GNAQ: variants seen among roughly 807,000 people sequenced by gnomAD.
GNAQ encodes the protein G protein subunit alpha q.
In GNAQ, 8 loss-of-function variants were observed where a neutral mutation model predicts 43.9. The ratio of observed to expected loss-of-function variants is 0.18; its 90% CI spans 0.11 to 0.33. GNAQ has a LOEUF of 0.33. Among genes scored for constraint, GNAQ ranks in the 10% least tolerant of loss-of-function variants. GNAQ has a pLI of 1.00. For synonymous variants in GNAQ, 155 were observed against 170.7 expected, an observed-to-expected ratio of 0.91 and a Z score of 0.71; for missense variants, 158 against 450.8, an observed-to-expected ratio of 0.35 and a Z score of 5.88.
chr9:77,905,902 G>A (rs932915661), intron 2 of GNAQ, among the ~76,000 whole-genome samples: 8 of 152,116 alleles, frequency 5.3e-5, no homozygotes, highest in Non-Finnish European at 1.2e-4. Context: ...GACACAGGAA[G>A]GGGAACATCA....
At chr9:77,834,345 T>G (rs1335102854) in intron 2 of GNAQ, among the ~76,000 whole-genome samples, 1 of 152,222 alleles carries the variant, frequency 6.6e-6, no homozygotes, top group African/African-American at 2.4e-5. Context: ...TTAAATGAAG[T>G]AGCATATTGC....
chr9:78,024,700 G>C (rs1025500142), intron 1 of GNAQ, among the ~76,000 whole-genome samples: 12 of 152,288 alleles, frequency 7.9e-5, no homozygotes, highest in South Asian at 2.1e-4. Flanking sequence ...ACTATGCAAA[G>C]TGCTTAGTCT....
chr9:77,895,494 G>A (rs1828484948), intron 2 of GNAQ, among the ~76,000 whole-genome samples: 1 of 152,140 alleles, frequency 6.6e-6, no homozygotes, highest in Admixed American at 6.5e-5. Context: ...AAGCCTCAGA[G>A]CTGAGGAGGG....
At chr9:77,802,781 T>C (rs375388166) in intron 3 of GNAQ, among the ~76,000 whole-genome samples, 1 of 152,154 alleles carries the variant, frequency 6.6e-6, no homozygotes, top group Non-Finnish European at 1.5e-5. Flanking sequence ...ATGTTTTACA[T>C]AAGGCTTGTT....
In GNAQ at chr9:77,719,991, CTTCA is replaced by C; in HGVS notation, c.*1328_*1331del. ...ACTACCAACCAATGTTCCTGGCAGA[CTTCA>C]TTGAACTTAAAGAACCACTGAGAGT... On this transcript the variant is annotated 3_prime_UTR_variant, in exon 7 of 7. Transcript: ENST00000286548. 4.3e-6 allele frequency: 1 copy of C among 232,588 alleles called. No individual in the cohort carries two copies. The highest frequency in any genetic ancestry group is 5.6e-5 in the Admixed American group (1 of 17,780). 14.4% of individuals were successfully genotyped at this position (232,588 alleles called of 1,614,324 possible). A position where few individuals can be genotyped will look rare whatever the true frequency, so the allele number is the denominator to read the frequency against.
At chr9:77,932,155 T>A (rs1357166944) in intron 1 of GNAQ, among the ~76,000 whole-genome samples, 1 of 152,198 alleles carries the variant, frequency 6.6e-6, no homozygotes, top group African/African-American at 2.4e-5. Flanking sequence ...ATTCACCTTA[T>A]CTAGTCTCAG....
At chr9:77,853,417 T>G (rs1827701830) in intron 2 of GNAQ, among the ~76,000 whole-genome samples, 1 of 152,164 alleles carries the variant, frequency 6.6e-6, no homozygotes, top group African/African-American at 2.4e-5. Flanking sequence ...CCTTGTGACA[T>G]ATTATTATTA....
At chr9:77,956,920 G>A (rs952823232) in intron 1 of GNAQ, among the ~76,000 whole-genome samples, 1 of 152,194 alleles carries the variant, frequency 6.6e-6, no homozygotes, top group Non-Finnish European at 1.5e-5. Context: ...GTTTGAAATA[G>A]TAATGTGTCT....
intron 1 of GNAQ, among the ~76,000 whole-genome samples, chr9:77,964,885 A>G (rs1398456679): frequency 6.6e-6 from 1 of 152,162 alleles, no homozygotes. Flanking sequence ...AATACCCATT[A>G]CAAATACTCA....
At chr9:77,932,668 G>C (rs1286797101) in intron 1 of GNAQ, among the ~76,000 whole-genome samples, 1 of 152,082 alleles carries the variant, frequency 6.6e-6, no homozygotes, top group African/African-American at 2.4e-5. Context: ...GCAGAGGTAG[G>C]AGGCACGGCA....
intron 2 of GNAQ, among the ~76,000 whole-genome samples, chr9:77,888,012 C>A (rs1828340289): frequency 6.6e-6 from 1 of 152,120 alleles, no homozygotes; most frequent in Admixed American, 6.5e-5. Context: ...GTACGGGATG[C>A]CTAATTACTT....
At chr9:78,015,558 A>C (rs1013722333) in intron 1 of GNAQ, among the ~76,000 whole-genome samples, 1 of 152,232 alleles carries the variant, frequency 6.6e-6, no homozygotes, top group Non-Finnish European at 1.5e-5. Context: ...TAATACACAT[A>C]TATTTATGGT....
At chr9:77,977,859 G>GT (rs1047116526) in intron 1 of GNAQ, among the ~76,000 whole-genome samples, 1 of 152,168 alleles carries the variant, frequency 6.6e-6, no homozygotes, top group Non-Finnish European at 1.5e-5. Flanking sequence ...CATGGGTGTA[G>GT]TTATCTGTCA....
At chr9:77,781,034 C>T (rs187737655) in intron 5 of GNAQ, among the ~76,000 whole-genome samples, 1 of 150,670 alleles carries the variant, frequency 6.6e-6, no homozygotes, top group African/African-American at 2.4e-5. Flanking sequence ...TGGATGAATA[C>T]GGATATTTTC....
intron 5 of GNAQ, among the ~76,000 whole-genome samples, chr9:77,743,294 A>G (rs776084017): frequency 6.6e-6 from 1 of 152,040 alleles, no homozygotes; most frequent in Non-Finnish European, 1.5e-5. Context: ...AACAAAAAAA[A>G]CAAACAACAT....
chr9:77,724,233 C>CA (rs1825363303), intron 6 of GNAQ, among the ~76,000 whole-genome samples: 1 of 152,020 alleles, frequency 6.6e-6, no homozygotes, highest in African/African-American at 2.4e-5. Context: ...CTGTGTTGCC[C>CA]AGGCTGGAGT....
intron 1 of GNAQ, among the ~76,000 whole-genome samples, chr9:77,931,001 G>C (rs1017383179): frequency 6.6e-6 from 1 of 151,882 alleles, no homozygotes; most frequent in African/African-American, 2.4e-5. Context: ...CATGTTCCTT[G>C]TAAGAATTTA....
Position 77,757,516 on chromosome 9 carries a change from C to T in GNAQ, c.736-28849G>A, listed in dbSNP as rs149924244. On this transcript the variant is annotated intron_variant, in intron 5 of 6. Coordinates refer to ENST00000286548, the MANE Select transcript of GNAQ (RefSeq NM_002072.5). ...GTTAGAAAGAAAACTACAAATATAT[C>T]CTTCACATCTGTATCTCTTAGAGCC... Among the ~76,000 whole-genome samples the T allele has an allele frequency of 9.2e-5, 14 of 152,322 alleles. No homozygotes were observed. The East Asian group carries it at 2.7e-3, about 29-fold the overall frequency.
chr9:77,942,025 T>G (rs536819381), intron 1 of GNAQ, among the ~76,000 whole-genome samples: 33 of 152,108 alleles, frequency 2.2e-4, no homozygotes, highest in African/African-American at 8.0e-4. Flanking sequence ...GGTGGTAGGA[T>G]GAGTAACTTC....
Sources: gnomAD v4.1 joint callset for allele counts (sites outside exome capture counted in the v4.1 genomes callset) on GRCh38, gnomAD v4.1.1 for gene constraint, MANE v1.5 for transcripts, NCBI Gene and HGNC (gene_info 2026-07-23, HGNC 2026-07-21) for gene names.